The following RPTOR variants were observed in gnomAD, a reference collection of about 807,000 sequenced individuals.
RPTOR encodes regulatory associated protein of MTOR complex 1, also known as regulatory-associated protein of mTOR.
Under a neutral mutation model 169.9 loss-of-function variants are expected in RPTOR, and 21 were observed. The ratio of observed to expected loss-of-function variants is 0.12; its 90% confidence interval spans 0.09 to 0.18. RPTOR has a LOEUF of 0.18. RPTOR is among the 10% of genes least tolerant of loss of function. The pLI is 1.00. For synonymous variants in RPTOR, 732 were observed against 753.2 expected, an observed-to-expected ratio of 0.97 and a Z score of 0.46; for missense variants, 1,133 against 1,855.9, an observed-to-expected ratio of 0.61 and a Z score of 7.16.
chr17:80,952,314 T>C (rs1468027), intron 28 of RPTOR, among the ~76,000 whole-genome samples: 24,600 of 152,160 alleles, frequency 0.16, 5,345 homozygotes, highest in African/African-American at 0.5. Flanking sequence ...AAGACAGAAG[T>C]GGTGCTCTCC....
chr17:80,583,196 T>TTTTTTTTTTTTTTTG (rs1555717407), intron 1 of RPTOR, among the ~76,000 whole-genome samples: 1 of 137,374 alleles, frequency 7.3e-6, no homozygotes, highest in African/African-American at 2.7e-5. Context: ...TTTTTTTTTT[T>TTTTTTTTTTTTTTTG]TTTTTTTTTT....
intron 2 of RPTOR, 90 bp downstream of exon 2, chr17:80,625,883 G>C (rs746422312): frequency 1.2e-6 from 1 of 863,534 alleles, no homozygotes; most frequent in Non-Finnish European, 2.0e-6. Context: ...TCTGGTCCAG[G>C]GGCCCGTCTC....
intron 3 of RPTOR, among the ~76,000 whole-genome samples, chr17:80,681,615 C>T (rs1302482696): frequency 1.4e-5 from 2 of 146,366 alleles, no homozygotes; most frequent in Non-Finnish European, 3.0e-5. Context: ...ATGAGGTGTA[C>T]GTCTCTTACA....
At chr17:80,642,036 A>G (rs1385409453) in intron 2 of RPTOR, among the ~76,000 whole-genome samples, 2 of 152,240 alleles carry the variant, frequency 1.3e-5, no homozygotes, top group Admixed American at 1.3e-4. Context: ...AACAACTGAC[A>G]GTGTTTGTTT....
intron 5 of RPTOR, among the ~76,000 whole-genome samples, chr17:80,747,070 C>G (rs1002676595): frequency 6.6e-6 from 1 of 152,144 alleles, no homozygotes; most frequent in Non-Finnish European, 1.5e-5. Context: ...TACAAAAATT[C>G]GCTGGGTGTG....
chr17:80,778,901 C>T (rs1021384655), intron 6 of RPTOR, among the ~76,000 whole-genome samples: 4 of 152,210 alleles, frequency 2.6e-5, no homozygotes, highest in Admixed American at 1.3e-4. Flanking sequence ...GGTGTCTGGC[C>T]GCGGCGCCTG....
intron 2 of RPTOR, among the ~76,000 whole-genome samples, chr17:80,634,991 CCT>C (rs1053201075): frequency 4.6e-5 from 7 of 152,166 alleles, no homozygotes; most frequent in Non-Finnish European, 8.8e-5. Context: ...CGTTTCTGTA[CCT>C]CTCTACATGT....
At chr17:80,717,379 A>AATTCAATGTTCACTGC (rs2066248001) in intron 4 of RPTOR, among the ~76,000 whole-genome samples, 1 of 152,226 alleles carries the variant, frequency 6.6e-6, no homozygotes, top group African/African-American at 2.4e-5. Context: ...AGGAAATGGT[A>AATTCAATGTTCACTGC]ATTCAATGTT....
At chr17:80,802,073 T>A (rs1241964898) in intron 7 of RPTOR, 2 of 152,222 alleles carry the variant, frequency 1.3e-5, no homozygotes, top group South Asian at 2.1e-4. Flanking sequence ...TGGAGGAGGC[T>A]TGGTTCTGAG....
intron 13 of RPTOR, among the ~76,000 whole-genome samples, chr17:80,859,402 C>T (rs1168609221): frequency 6.6e-6 from 1 of 152,216 alleles, no homozygotes; most frequent in Non-Finnish European, 1.5e-5. Context: ...ATATGTTGCC[C>T]TCTGCAGGGT....
At chr17:80,800,573 G>A (rs187792324) in intron 7 of RPTOR, among the ~76,000 whole-genome samples, 13 of 152,188 alleles carry the variant, frequency 8.5e-5, no homozygotes, top group South Asian at 8.3e-4. Flanking sequence ...TTCCTCGAGC[G>A]ACCCCCCCAG....
chr17:80,641,260 A>G (rs368543227), intron 2 of RPTOR, among the ~76,000 whole-genome samples: 5 of 152,186 alleles, frequency 3.3e-5, no homozygotes, highest in Admixed American at 1.3e-4. Flanking sequence ...ATTTACCACA[A>G]TTCTTCCAGA....
intron 6 of RPTOR, among the ~76,000 whole-genome samples, chr17:80,777,404 A>C (rs2066901863): frequency 6.6e-6 from 1 of 152,166 alleles, no homozygotes; most frequent in South Asian, 2.1e-4. Context: ...TGAATATTCA[A>C]GCAGGACTAG....
In RPTOR at chr17:80,626,436, T is replaced by TA. The variant is rs575509031; in HGVS notation, c.265+644dup. ...CTTAAAAAAAAAATGGAATGACTGATACCTGCATGGAAATGTAGAAGAGGT... is the reference window on the plus strand; with the variant it reads ...CTTAAAAAAAAAATGGAATGACTGATAACCTGCATGGAAATGTAGAAGAGGT... On this transcript the variant is annotated intron_variant, in intron 2 of 33. Transcript: ENST00000306801. Among the ~76,000 whole-genome samples, 1,214 of 152,214 alleles carry TA rather than the reference T, an allele frequency of 8.0e-3. 7 individuals carry two copies. Among genetic ancestry groups the TA allele is most frequent in the Non-Finnish European group, 0.012 (831 of 68,018 alleles).
intron 16 of RPTOR, among the ~76,000 whole-genome samples, 155 bp from the exon 17 acceptor site, chr17:80,884,853 G>A (rs934354054): frequency 3.9e-5 from 6 of 152,218 alleles, no homozygotes; most frequent in Non-Finnish European, 5.9e-5. Flanking sequence ...CTTCCCCGTT[G>A]CCACTCTGAT....
Position 80,965,852 on chromosome 17 carries a change from CAGA to C in RPTOR, c.*1528_*1530del, listed in dbSNP as rs2069421446. The C allele has an allele frequency of 1.7e-5, 4 of 233,328 alleles. No individual in the cohort carries two copies. The highest frequency in any genetic ancestry group is 8.5e-6 in the Non-Finnish European group (1 of 118,166). 14.5% of individuals were successfully genotyped at this position (233,328 alleles called of 1,614,324 possible). ...TCCTTTTTGGAATGCGAGCTCCCAC[CAGA>C]AGAAGGTTCCGGCACGAATCCCATC... On this transcript the variant is annotated 3_prime_UTR_variant, in exon 34 of 34. Transcript: ENST00000306801.
chr17:80,640,881 T>C (rs1363359057), intron 2 of RPTOR, among the ~76,000 whole-genome samples: 3 of 152,180 alleles, frequency 2.0e-5, no homozygotes, highest in African/African-American at 7.2e-5. Flanking sequence ...GCATGGACAG[T>C]TTTCTGACCA....
chr17:80,639,531 C>A (rs2065535613), intron 2 of RPTOR, among the ~76,000 whole-genome samples: 1 of 152,176 alleles, frequency 6.6e-6, no homozygotes, highest in South Asian at 2.1e-4. Flanking sequence ...CCCAGCTGCA[C>A]TGCTGGGTCT....
chr17:80,664,595 G>A (rs1008471830), intron 3 of RPTOR, among the ~76,000 whole-genome samples: 11 of 151,084 alleles, frequency 7.3e-5, no homozygotes, highest in Non-Finnish European at 1.5e-4. Context: ...CTCCTCCTCC[G>A]TCCCTGCTGG....
Sources: allele counts gnomAD v4.1 joint callset (sites outside exome capture counted in the v4.1 genomes callset), GRCh38; gene constraint gnomAD v4.1.1; transcripts MANE v1.5; gene names NCBI Gene and HGNC (gene_info 2026-07-23, HGNC 2026-07-21).